Variants in TRIM44 observed in about 807,000 individuals in gnomAD.
TRIM44 encodes tripartite motif containing 44.
In TRIM44, 13 loss-of-function variants were observed where a neutral mutation model predicts 37.4. The ratio of observed to expected loss-of-function variants is 0.35; its 90% CI spans 0.23 to 0.55. TRIM44 has a LOEUF of 0.55. TRIM44 is among the 20% of genes least tolerant of loss of function. The pLI, the probability that TRIM44 is intolerant of heterozygous loss-of-function variation, is 0.89. For synonymous variants in TRIM44, 175 were observed against 157.2 expected (o/e 1.11, Z -0.85); for missense variants, 426 against 437.2 (o/e 0.97, Z 0.23).
At chr11:35,771,272 G>A (rs2133865819) in intron 4 of TRIM44, among the ~76,000 whole-genome samples, 1 of 152,332 alleles carries the variant, frequency 6.6e-6, no homozygotes, top group Admixed American at 6.5e-5. Flanking sequence ...CTGGCGCAAA[G>A]GTGACTCTTG....
Position 35,713,502 on chromosome 11 carries a change from CT to C in TRIM44, c.748-12407del, listed in dbSNP as rs34352321. On this transcript the variant is annotated intron_variant, in intron 2 of 4. Transcript: ENST00000299413. Reference sequence around the variant, plus strand: ...AAAAGTTTACATTGAATATGACATGCTTTTTTTTTTTTTTTGGTGAAAGAGC... The same window carrying C: ...AAAAGTTTACATTGAATATGACATGCTTTTTTTTTTTTTTGGTGAAAGAGC... Among the ~76,000 whole-genome samples the C allele has an allele frequency of 4.9e-3, 688 of 140,054 alleles. 1 individual carries two copies. Among genetic ancestry groups the C allele is most frequent in the South Asian group, 0.019 (84 of 4,348 alleles). The allele number at this position is 140,054 out of a possible 152,430, so 91.9% of individuals were successfully genotyped here.
chr11:35,717,405 C>T (rs1243289651), intron 2 of TRIM44, among the ~76,000 whole-genome samples: 2 of 151,698 alleles, frequency 1.3e-5, no homozygotes, highest in Non-Finnish European at 2.9e-5. Context: ...TTTTTAAAGT[C>T]TGGTGTCAAA....
intron 4 of TRIM44, among the ~76,000 whole-genome samples, chr11:35,750,008 A>G (rs1038658955): frequency 6.6e-5 from 10 of 152,220 alleles, no homozygotes; most frequent in African/African-American, 2.2e-4. Context: ...CTTTGTTCTA[A>G]GAAAATAAAT....
intron 2 of TRIM44, among the ~76,000 whole-genome samples, chr11:35,715,726 T>C (rs1203651161): frequency 6.6e-6 from 1 of 152,100 alleles, no homozygotes; most frequent in East Asian, 1.9e-4. Context: ...AGAGGTTTAA[T>C]TGGCTCACGG....
chr11:35,805,306 T>A (rs1853432841), intron 4 of TRIM44, among the ~76,000 whole-genome samples: 1 of 152,222 alleles, frequency 6.6e-6, no homozygotes, highest in Non-Finnish European at 1.5e-5. Context: ...GGCAGTGACC[T>A]ATAGAAGAGG....
At chr11:35,757,384 C>T (rs1429405995) in intron 4 of TRIM44, among the ~76,000 whole-genome samples, 1 of 151,544 alleles carries the variant, frequency 6.6e-6, no homozygotes, top group Non-Finnish European at 1.5e-5. Context: ...CTATTTGATT[C>T]TTCTCTCTTT....
rs577520606 is a variant in TRIM44, at chr11:35,750,923, T to G, written c.1007+15478T>G. Among the ~76,000 whole-genome samples, 5 of 152,094 alleles carry G rather than the reference T, an allele frequency of 3.3e-5. No homozygotes were observed. The East Asian group carries it at 7.7e-4, about 23-fold the overall frequency. The stretch of plus-strand genomic sequence containing the variant: ...CCCAGAGAGGGCTGCTCAGATATTT[T>G]TAAAAATTGCCATTAAAAAAAAAAA... On this transcript the variant is annotated intron_variant, in intron 4 of 4. Transcript: ENST00000299413.
intron 4 of TRIM44, among the ~76,000 whole-genome samples, chr11:35,757,433 A>AT (rs978807971): frequency 3.3e-5 from 5 of 151,156 alleles, no homozygotes; most frequent in African/African-American, 1.2e-4. Flanking sequence ...AATTTTGTTG[A>AT]TTTTTTCAAA....
intron 4 of TRIM44, among the ~76,000 whole-genome samples, chr11:35,779,408 C>G (rs1853027694): frequency 6.6e-6 from 1 of 152,118 alleles, no homozygotes; most frequent in Non-Finnish European, 1.5e-5. Flanking sequence ...TGAGGCAATG[C>G]CCCACCCTGC....
chr11:35,685,023 C>T (rs1215584963), intron 1 of TRIM44, among the ~76,000 whole-genome samples: 1 of 152,162 alleles, frequency 6.6e-6, no homozygotes, highest in African/African-American at 2.4e-5. Context: ...TCAGCCTATA[C>T]AAATTGTATT....
intron 4 of TRIM44, among the ~76,000 whole-genome samples, chr11:35,768,088 A>G (rs927524862): frequency 6.6e-6 from 1 of 152,246 alleles, no homozygotes; most frequent in African/African-American, 2.4e-5. Context: ...ATAGCGGACT[A>G]AAGGCCTAAA....
At chr11:35,675,003 A>G (rs1484189469) in intron 1 of TRIM44, among the ~76,000 whole-genome samples, 1 of 152,220 alleles carries the variant, frequency 6.6e-6, no homozygotes, top group Non-Finnish European at 1.5e-5. Flanking sequence ...TTTTGTTCCC[A>G]TTATAACAGC....
intron 4 of TRIM44, among the ~76,000 whole-genome samples, chr11:35,776,106 T>C (rs1027444498): frequency 1.3e-5 from 2 of 152,184 alleles, no homozygotes; most frequent in Non-Finnish European, 2.9e-5. Context: ...TCCTGGACTT[T>C]TTTTGGTTGG....
chr11:35,760,049 G>A (rs1338618128), intron 4 of TRIM44, among the ~76,000 whole-genome samples: 1 of 152,210 alleles, frequency 6.6e-6, no homozygotes, highest in Non-Finnish European at 1.5e-5. Flanking sequence ...AGTCTGCAGA[G>A]GTTTCTGCTG....
rs988285557 is a variant in TRIM44 at position 35,662,991 on chromosome 11, G to T, written c.-121G>T. On this transcript the variant is annotated 5_prime_UTR_variant, in exon 1 of 5. Transcript: ENST00000299413. ...CAGGTCCCGCTTCGAGACGCGGCGCGGTCCAGGCGGGAGGCGACTCCCTAG... is the reference window on the plus strand; with the variant it reads ...CAGGTCCCGCTTCGAGACGCGGCGCTGTCCAGGCGGGAGGCGACTCCCTAG... 4 of 1,374,238 alleles carry T rather than the reference G, an allele frequency of 2.9e-6. No individual in the cohort carries two copies. In the African/African-American group the frequency reaches 4.5e-5, roughly 15 times the overall value. 85.1% of individuals were successfully genotyped at this position (1,374,238 alleles called of 1,614,324 possible). A position where few individuals can be genotyped will look rare whatever the true frequency, so the allele number is the denominator to read the frequency against.
At position 35,803,458 on chromosome 11, in the gene TRIM44, A is replaced by G. The variant is rs188221632; in HGVS notation, c.1008-2900A>G. Among the ~76,000 whole-genome samples the G allele has an allele frequency of 1.2e-4, 18 of 152,256 alleles. 1 individual carries two copies. In the East Asian group the frequency reaches 3.5e-3, roughly 29 times the overall value. ...ATAAAAATCTCATGAACAGTCAGGC[A>G]TGGTGGCTCATGCCTGTAATCCAGC... is the stretch of plus-strand genomic sequence containing the variant. On this transcript the variant is annotated intron_variant, in intron 4 of 4. Coordinates refer to ENST00000299413, the MANE Select transcript of TRIM44 (RefSeq NM_017583.6).
chr11:35,685,647 C>T (rs1851566444), intron 2 of TRIM44, among the ~76,000 whole-genome samples: 2 of 152,048 alleles, frequency 1.3e-5, no homozygotes, highest in South Asian at 2.1e-4. Flanking sequence ...CAGCCAAAGG[C>T]GTCTGAGAGA....
intron 4 of TRIM44, among the ~76,000 whole-genome samples, chr11:35,802,281 T>C (rs573529218): frequency 1.9e-4 from 29 of 152,302 alleles, no homozygotes; most frequent in African/African-American, 7.0e-4. Context: ...GCCAAGAGTT[T>C]CCTGCCTGAA....
At chr11:35,700,192 C>G (rs952496497) in intron 2 of TRIM44, among the ~76,000 whole-genome samples, 1 of 152,132 alleles carries the variant, frequency 6.6e-6, no homozygotes, top group Non-Finnish European at 1.5e-5. Flanking sequence ...AAGAGCAGAT[C>G]AGTGCTTTAA....
Sources: gnomAD v4.1 joint callset for allele counts (sites outside exome capture counted in the v4.1 genomes callset) on GRCh38, gnomAD v4.1.1 for gene constraint, MANE v1.5 for transcripts, NCBI Gene and HGNC (gene_info 2026-07-23, HGNC 2026-07-21) for gene names.